GIT2: variants seen among roughly 807,000 people sequenced by gnomAD.
GIT2 encodes ARF GTPase-activating protein GIT2.
In GIT2, 32 loss-of-function variants were observed where a neutral mutation model predicts 100.3. The ratio of observed to expected loss-of-function variants is 0.32; its 90% CI spans 0.24 to 0.43. GIT2 has a LOEUF of 0.43. Ranked by LOEUF, GIT2 falls within the 20% of genes least tolerant of loss-of-function variation. The pLI is 1.00. For missense variants in GIT2, 737 were observed against 975.1 expected (o/e 0.76, Z 3.25); for synonymous variants, 353 against 364.1 (o/e 0.97, Z 0.35).
At chr12:109,976,645 G>A (rs1885153275) in intron 7 of GIT2, among the ~76,000 whole-genome samples, 1 of 148,654 alleles carries the variant, frequency 6.7e-6, no homozygotes, top group Non-Finnish European at 1.5e-5. Context: ...CAGGAGTGCA[G>A]TGGCACGATC....
intron 16 of GIT2, among the ~76,000 whole-genome samples, chr12:109,942,588 C>A (rs1875108569): frequency 1.3e-5 from 2 of 152,340 alleles, no homozygotes; most frequent in South Asian, 4.1e-4. Context: ...CCTGCCTCGG[C>A]TTCCCAAAGT....
chr12:109,992,750 C>T (rs1448721884), intron 1 of GIT2, among the ~76,000 whole-genome samples: 1 of 152,188 alleles, frequency 6.6e-6, no homozygotes, highest in African/African-American at 2.4e-5. Context: ...CGGCTCACTG[C>T]AACTTCTGCC....
intron 12 of GIT2, among the ~76,000 whole-genome samples, chr12:109,956,382 G>T: frequency 6.6e-6 from 1 of 152,182 alleles, no homozygotes; most frequent in East Asian, 1.9e-4. Flanking sequence ...ACACAAATAT[G>T]ACTAACATGG....
chr12:109,970,386 G>A (rs769201722), intron 7 of GIT2, among the ~76,000 whole-genome samples: 6 of 152,062 alleles, frequency 3.9e-5, no homozygotes, highest in East Asian at 1.9e-4. Flanking sequence ...CCAGCTGCTC[G>A]GGAGGCTGAG....
chr12:109,942,549 G>A (rs1009285519), intron 16 of GIT2, among the ~76,000 whole-genome samples: 36 of 152,126 alleles, frequency 2.4e-4, no homozygotes, highest in African/African-American at 8.4e-4. Context: ...GCTCAGGATG[G>A]TCTCAAACTA....
At chr12:109,976,446 G>A (rs1246279948) in intron 7 of GIT2, among the ~76,000 whole-genome samples, 5 of 151,394 alleles carry the variant, frequency 3.3e-5, no homozygotes, top group South Asian at 2.1e-4. Flanking sequence ...CACCACGCCC[G>A]GCTAATTTTT....
intron 18 of GIT2, among the ~76,000 whole-genome samples, chr12:109,935,003 G>A (rs1203550181): frequency 2.6e-5 from 4 of 151,910 alleles, no homozygotes; most frequent in South Asian, 4.2e-4. Flanking sequence ...GCTTGAACCC[G>A]GGAGGCAGAG....
In GIT2 at chr12:109,948,225, T is replaced by G. The variant is rs1210263883; in HGVS notation, c.1393-721A>C. ...CCTATTGATCTATGGAATTGACATCTTCGCATGGATGCTCCACGCAGCACG... is the reference window on the plus strand; with the variant it reads ...CCTATTGATCTATGGAATTGACATCGTCGCATGGATGCTCCACGCAGCACG... On this transcript the variant is annotated intron_variant, in intron 14 of 19. Transcript: ENST00000355312. The surrounding 1 kb of genome is among the most constrained non-coding windows in gnomAD (Gnocchi z 4.3). 3.0e-6 allele frequency: 3 copies of G among 985,698 alleles called. No individual in the cohort carries two copies. Among genetic ancestry groups the G allele is most frequent in the Non-Finnish European group, 3.6e-6 (3 of 830,098 alleles). 61.1% of individuals were successfully genotyped at this position (985,698 alleles called of 1,614,324 possible).
Position 109,934,392 on chromosome 12 carries a change from C to T in GIT2, c.2004-307G>A, listed in dbSNP as rs1473954399. Among the ~76,000 whole-genome samples, 1 of 152,190 alleles carries T rather than the reference C, an allele frequency of 6.6e-6. No homozygotes were observed. Among genetic ancestry groups the T allele is most frequent in the Non-Finnish European group, 1.5e-5 (1 of 68,034 alleles). On this transcript the variant is annotated intron_variant, in intron 18 of 19. Coordinates refer to ENST00000355312, the MANE Select transcript of GIT2 (RefSeq NM_057169.5). This position sits in a 1 kb window ranked among gnomAD's most constrained non-coding sequence, Gnocchi z 4.5. ...CTCCTCACGTCAGTCATTTACTTCT[C>T]ATGTGTTTCATCGTCCCAATTTCTA...
At position 109,948,408 on chromosome 12, in the gene GIT2, G is replaced by A. The variant is rs770664642; in HGVS notation, c.1393-904C>T. 1.0e-6 allele frequency: 1 copy of A among 1,002,004 alleles called. No homozygotes were observed. The highest frequency in any genetic ancestry group is 1.2e-6 in the Non-Finnish European group (1 of 841,130). The allele number at this position is 1,002,004 out of a possible 1,614,324, so 62.1% of individuals were successfully genotyped here. ...CACCCCATTTTAGAGACTGTCACTT[G>A]GAGGCCCTGAATGCTCCTTCCATTC... On this transcript the variant is annotated intron_variant, in intron 14 of 19. Transcript: ENST00000355312. The surrounding 1 kb of genome is among the most constrained non-coding windows in gnomAD (Gnocchi z 4.3).
rs1383163969 is a variant in GIT2, at chr12:109,934,877, A to C, written c.2004-792T>G. On this transcript the variant is annotated intron_variant, in intron 18 of 19. Transcript: ENST00000355312. The surrounding 1 kb of genome is among the most constrained non-coding windows in gnomAD (Gnocchi z 4.5). ...GATCACCTGAGGTCAGGAGTTTGAG[A>C]CCAGCCTGAACGACATGGTGAAATC... Among the ~76,000 whole-genome samples the C allele has an allele frequency of 6.6e-6, 1 of 152,180 alleles. No individual in the cohort carries two copies. The highest frequency in any genetic ancestry group is 2.4e-5 in the African/African-American group (1 of 41,452).
intron 7 of GIT2, among the ~76,000 whole-genome samples, chr12:109,979,568 C>A (rs1436081900): frequency 1.3e-5 from 2 of 152,084 alleles, no homozygotes; most frequent in Non-Finnish European, 2.9e-5. Context: ...CCACCGCACC[C>A]CGCAGAAAAA....
Position 109,948,510 on chromosome 12 carries a change from A to G in GIT2, c.1393-1006T>C. On this transcript the variant is annotated intron_variant, in intron 14 of 19. Coordinates refer to ENST00000355312, the MANE Select transcript of GIT2 (RefSeq NM_057169.5). This position sits in a 1 kb window ranked among gnomAD's most constrained non-coding sequence, Gnocchi z 4.3. The stretch of plus-strand genomic sequence containing the variant: ...GCAGGGAATCGTGTTACTCTTTGGC[A>G]TCTGGCATTTTAAACACCATTCACC... 8.1e-7 allele frequency: 1 copy of G among 1,237,880 alleles called. No individual in the cohort carries two copies. Among genetic ancestry groups the G allele is most frequent in the Non-Finnish European group, 1.0e-6 (1 of 988,378 alleles). The allele number at this position is 1,237,880 out of a possible 1,614,324, so 76.7% of individuals were successfully genotyped here. A position where few individuals can be genotyped will look rare whatever the true frequency, so the allele number is the denominator to read the frequency against.
At chr12:109,941,053 C>T (rs1297190829) in intron 16 of GIT2, among the ~76,000 whole-genome samples, 2 of 152,110 alleles carry the variant, frequency 1.3e-5, no homozygotes, top group Non-Finnish European at 2.9e-5. Flanking sequence ...TGTTTGCTAT[C>T]CCCATACACT....
rs368230117 is a variant in GIT2 at position 109,996,244 on chromosome 12, C to T, written c.-20G>A. ...CGACATGGCTCCCACCTCCCACCTG[C>T]GGGGAACTAGAGGCCGGGGGACAGC... On this transcript the variant is annotated 5_prime_UTR_variant, in exon 1 of 20. Coordinates refer to ENST00000355312, the MANE Select transcript of GIT2 (RefSeq NM_057169.5). The T allele has an allele frequency of 8.0e-5, 122 of 1,517,722 alleles. No homozygotes were observed. Among genetic ancestry groups the T allele is most frequent in the Non-Finnish European group, 1.0e-4 (118 of 1,127,500 alleles). 94.0% of individuals were successfully genotyped at this position (1,517,722 alleles called of 1,614,324 possible).
chr12:109,961,210 C>A, intron 11 of GIT2, 68 bp downstream of exon 11: 1 of 884,102 alleles, frequency 1.1e-6, no homozygotes, highest in Non-Finnish European at 1.9e-6. Flanking sequence ...AATAGTTTTC[C>A]TGGGAAAAAT....
Position 109,978,943 on chromosome 12 carries a change from A to G in GIT2, c.718+2009T>C, listed in dbSNP as rs76846073. On this transcript the variant is annotated intron_variant, in intron 7 of 19. Transcript: ENST00000355312. ...TAGACACTGTGAATGTTTTGTTATG[A>G]GACTCTGGGCCTTCTTTAAACTTTA... is the stretch of plus-strand genomic sequence containing the variant. Among the ~76,000 whole-genome samples the G allele has an allele frequency of 8.0e-3, 1,214 of 152,330 alleles. 25 individuals are homozygous for G. The highest frequency in any genetic ancestry group is 0.028 in the African/African-American group (1,170 of 41,580).
At chr12:109,967,530 TG>T in intron 7 of GIT2, 27 bp from the exon 8 acceptor site, 1 of 1,515,674 alleles carries the variant, frequency 6.6e-7, no homozygotes. Flanking sequence ...GTCAAAGTTT[TG>T]TTCATAGAAA....
chr12:109,983,342 G>A, intron 6 of GIT2, 31 bp downstream of exon 6: 3 of 1,601,956 alleles, frequency 1.9e-6, no homozygotes, highest in East Asian at 2.2e-5. Flanking sequence ...AAAAATCCCA[G>A]AGAGAAGTAG....
Sources: allele counts gnomAD v4.1 joint callset (sites outside exome capture counted in the v4.1 genomes callset), GRCh38; gene constraint gnomAD v4.1.1; non-coding constraint Gnocchi (gnomAD v3.1); transcripts MANE v1.5; gene names NCBI Gene and HGNC (gene_info 2026-07-23, HGNC 2026-07-21).